CHRNB4: variants seen among roughly 807,000 people sequenced by gnomAD.
The protein encoded by CHRNB4 is neuronal acetylcholine receptor subunit beta-4.
CHRNB4 carries 23 observed loss-of-function variants against 40.4 expected under a neutral mutation model. The ratio of observed to expected loss-of-function variants is 0.57; its 90% CI spans 0.41 to 0.81. CHRNB4 has a LOEUF of 0.81. Ranked by LOEUF, CHRNB4 falls within the 30% of genes least tolerant of loss-of-function variation. The pLI is 0.00. For missense variants in CHRNB4, 568 were observed against 670.6 expected, an observed-to-expected ratio of 0.85 and a Z score of 1.69; for synonymous variants, 285 against 274.4, an observed-to-expected ratio of 1.04 and a Z score of -0.38.
At chr15:78,628,271 AG>A (rs2141364265) in intron 5 of CHRNB4, 1 of 152,366 alleles carries the variant, frequency 6.6e-6, no homozygotes, top group East Asian at 1.9e-4. Flanking sequence ...TAGCCCTGGA[AG>A]CTATAAGTGC....
chr15:78,645,534 C>T (rs191124665), upstream of CHRNB4, among the ~76,000 whole-genome samples: 8 of 152,296 alleles, frequency 5.3e-5, no homozygotes, highest in Non-Finnish European at 1.2e-4. Context: ...ACCACAGCTT[C>T]ACCACCCCTC....
chr15:78,645,875 T>C (rs2054118856), upstream of CHRNB4, among the ~76,000 whole-genome samples: 1 of 151,936 alleles, frequency 6.6e-6, no homozygotes, highest in African/African-American at 2.4e-5. Context: ...CTGGCCAACA[T>C]GGTGAAACCC....
rs757173002 is a variant in CHRNB4, at chr15:78,629,840, A to G, written c.465T>C (p.Ile155=). ...GGTCGAAGGGAAAGTACTTCACCTC[A>G]ATCTTGCAGGCGCTCTTGTAGATGG... ...PPAIYKSACK[I]EVKYFPFDQQ... Residue 155 remains isoleucine, a synonymous_variant, in exon 5 of 6, where the codon ATT becomes ATC. Transcript: ENST00000261751. This position sits in a 1 kb window ranked among gnomAD's most constrained non-coding sequence, Gnocchi z 6.8. The G allele has an allele frequency of 6.8e-6, 11 of 1,613,958 alleles. No homozygotes were observed. The highest frequency in any genetic ancestry group is 1.1e-5 in the South Asian group (1 of 91,086).
rs1460930119 is a variant in CHRNB4, at chr15:78,631,074, A to T, written c.359+2T>A. 6.2e-7 allele frequency: 1 copy of T among 1,613,074 alleles called. No homozygotes were observed. Among genetic ancestry groups the T allele is most frequent in the Non-Finnish European group, 8.5e-7 (1 of 1,179,338 alleles). On this transcript the variant is annotated splice_donor_variant, in intron 4 of 5. Transcript: ENST00000261751. LOFTEE classifies it high-confidence loss of function. Reference sequence around the variant, plus strand: ...CAGGCCTCCACCAACCCTGCCACTCACTTGTTGTAAAGCACGATGTCAGGC... The same window carrying T: ...CAGGCCTCCACCAACCCTGCCACTCTCTTGTTGTAAAGCACGATGTCAGGC...
chr15:78,637,611 G>T (rs1057164112), intron 1 of CHRNB4, among the ~76,000 whole-genome samples: 1 of 152,158 alleles, frequency 6.6e-6, no homozygotes, highest in African/African-American at 2.4e-5. Flanking sequence ...TCCTCTGTGG[G>T]TAGGGCCAGA....
chr15:78,641,062 C>A lies in CHRNB4; in HGVS notation c.55+17G>T. ...CCAACCCAGGCGCCCCTCCCTCCTT[C>A]CCCGAAAAGAACTCACCGCGCCCGC... On this transcript the variant is annotated intron_variant, in intron 1 of 5. Transcript: ENST00000261751. 6.4e-7 allele frequency: 1 copy of A among 1,567,632 alleles called. No homozygotes were observed.
chr15:78,625,997 C>T (rs914299051), intron 5 of CHRNB4: 2 of 152,504 alleles, frequency 1.3e-5, no homozygotes, highest in Non-Finnish European at 2.9e-5. Flanking sequence ...GTCCTGGCCT[C>T]CCTCGCCGAT....
At chr15:78,651,400 G>A (rs780957284) in intron 6 of CHRNB4, among the ~76,000 whole-genome samples, 4 of 152,112 alleles carry the variant, frequency 2.6e-5, no homozygotes, top group East Asian at 1.9e-4. Flanking sequence ...TCTTCTCCCC[G>A]ACTGCTGACC....
At chr15:78,641,435 G>A (rs2054073725), upstream of CHRNB4, among the ~76,000 whole-genome samples, 1 of 152,236 alleles carries the variant, frequency 6.6e-6, no homozygotes, top group African/African-American at 2.4e-5. Flanking sequence ...GGCACCCTTG[G>A]TACAGCTGGG....
intron 1 of CHRNB4, among the ~76,000 whole-genome samples, chr15:78,637,885 C>A (rs1321821798): frequency 6.6e-6 from 1 of 152,166 alleles, no homozygotes; most frequent in African/African-American, 2.4e-5. Context: ...AGATTCTGAG[C>A]CCTGCTTCTT....
At chr15:78,646,716 C>T (rs897656845) in intron 7 of CHRNB4, among the ~76,000 whole-genome samples, 7 of 152,230 alleles carry the variant, frequency 4.6e-5, no homozygotes, top group Admixed American at 4.6e-4. Flanking sequence ...GCTCCACCCT[C>T]CTGACCTAAT....
At chr15:78,637,045 A>G (rs1279512652) in intron 1 of CHRNB4, among the ~76,000 whole-genome samples, 1 of 152,132 alleles carries the variant, frequency 6.6e-6, no homozygotes, top group Non-Finnish European at 1.5e-5. Context: ...ACAGAGTGTA[A>G]GGTCCCTCTG....
Position 78,629,450 on chromosome 15 carries a change from C to A in CHRNB4, c.855G>T (p.Val285=). Residue 285 remains valine (V), a synonymous_variant, in exon 5 of 6, where the codon GTG becomes GTT. Coordinates refer to ENST00000261751, the MANE Select transcript of CHRNB4 (RefSeq NM_000750.5). The surrounding 1 kb of genome is among the most constrained non-coding windows in gnomAD (Gnocchi z 6.8). The part of the protein sequence containing the change: ...TFFLLLISKI[V]PPTSLDVPLI... Reference sequence around the variant, plus strand: ...GAGGCACATCGAGGGAGGTGGGTGGCACGATCTTGGAGATGAGCAGCAGGA... The same window carrying A: ...GAGGCACATCGAGGGAGGTGGGTGGAACGATCTTGGAGATGAGCAGCAGGA... 1 of 1,614,096 alleles carries A rather than the reference C, an allele frequency of 6.2e-7. No individual in the cohort carries two copies. Among genetic ancestry groups the A allele is most frequent in the Non-Finnish European group, 8.5e-7 (1 of 1,180,018 alleles).
chr15:78,647,861 C>CAAAAAAAAAAAA (rs146991423), intron 7 of CHRNB4, among the ~76,000 whole-genome samples: 1 of 39,124 alleles, frequency 2.6e-5, no homozygotes, highest in African/African-American at 8.2e-5. Context: ...GACTCCATCT[C>CAAAAAAAAAAAA]AAAAAAAAAA....
In CHRNB4 at chr15:78,640,412, G is replaced by C. The variant is rs138259282; in HGVS notation, c.55+667C>G. On this transcript the variant is annotated intron_variant, in intron 1 of 5. Transcript: ENST00000261751. ...CACCAGCCTGGCCCTCAGTCAAGCT[G>C]GCTGTCCAGGCCCGGCACACCTCGG... Among the ~76,000 whole-genome samples the C allele has an allele frequency of 5.8e-3, 879 of 152,338 alleles. 8 individuals are homozygous for C. The highest frequency in any genetic ancestry group is 0.017 in the Middle Eastern group (5 of 294).
At chr15:78,626,377 TG>T (rs769016292) in intron 5 of CHRNB4, 10,030 of 91,412 alleles carry the variant, frequency 0.11, 387 homozygotes, top group Non-Finnish European at 0.14. Flanking sequence ...TGTGTGTGTG[TG>T]TGTGTGTTTC....
At chr15:78,656,893 C>T (rs1397626727) in intron 3 of CHRNB4, among the ~76,000 whole-genome samples, 1 of 152,218 alleles carries the variant, frequency 6.6e-6, no homozygotes, top group Non-Finnish European at 1.5e-5. Flanking sequence ...AGCACACCTG[C>T]ATGCATAGCT....
intron 2 of CHRNB4, among the ~76,000 whole-genome samples, chr15:78,633,781 G>A (rs2053886551): frequency 6.6e-6 from 1 of 152,078 alleles, no homozygotes; most frequent in Admixed American, 6.6e-5. Context: ...CAGGGGAGAT[G>A]GCTTGGAAAG....
At chr15:78,632,262 T>G (rs11635249) in intron 2 of CHRNB4, among the ~76,000 whole-genome samples, 76,322 of 140,980 alleles carry the variant, frequency 0.54, 21,741 homozygotes, top group Middle Eastern at 0.71. Flanking sequence ...TCTCTTTCTT[T>G]CTTTCTTTCT....
Sources: allele counts gnomAD v4.1 joint callset (sites outside exome capture counted in the v4.1 genomes callset), GRCh38; gene constraint gnomAD v4.1.1; non-coding constraint Gnocchi (gnomAD v3.1); transcripts MANE v1.5; gene names NCBI Gene and HGNC (gene_info 2026-07-23, HGNC 2026-07-21).